Variants in IRAG1 observed in about 807,000 individuals in gnomAD.
IRAG1 encodes the protein inositol 1,4,5-triphosphate receptor associated 1, also known as IP3R-associated cGMP kinase substrate.
IRAG1 carries 62 observed loss-of-function variants against 106.2 expected under a neutral mutation model. The ratio of observed to expected loss-of-function variants is 0.58; its 90% CI spans 0.48 to 0.72. The LOEUF (loss-of-function observed/expected upper bound fraction) is 0.72. Among genes scored for constraint, IRAG1 ranks in the 30% least tolerant of loss-of-function variants. The pLI is 0.00. For synonymous variants in IRAG1, 462 were observed against 443.9 expected, an observed-to-expected ratio of 1.04 and a Z score of -0.51; for missense variants, 1,064 against 1,140.7, an observed-to-expected ratio of 0.93 and a Z score of 0.97.
intron 14 of IRAG1, among the ~76,000 whole-genome samples, chr11:10,601,452 C>T (rs887486612): frequency 6.6e-6 from 1 of 152,170 alleles, no homozygotes; most frequent in African/African-American, 2.4e-5. Context: ...GGCAGGGAAG[C>T]ACAGGGCTTA....
At chr11:10,630,605 A>G (rs1389034297) in intron 4 of IRAG1, among the ~76,000 whole-genome samples, 1 of 152,176 alleles carries the variant, frequency 6.6e-6, no homozygotes, top group Non-Finnish European at 1.5e-5. Context: ...AGTGGCTATC[A>G]GAGCCACATC....
chr11:10,588,702 A>G (rs1156582589), intron 18 of IRAG1, among the ~76,000 whole-genome samples: 1 of 151,736 alleles, frequency 6.6e-6, no homozygotes, highest in East Asian at 1.9e-4. Context: ...AGTTCCCCCA[A>G]CCTTACACCA....
In IRAG1 at chr11:10,627,959, G is replaced by A; in HGVS notation, c.705+14C>T. 6.2e-7 allele frequency: 1 copy of A among 1,600,308 alleles called. No individual in the cohort carries two copies. Among genetic ancestry groups the A allele is most frequent in the Non-Finnish European group, 8.5e-7 (1 of 1,171,402 alleles). ...TGGCATAGAAACAGCACAGCAGGTGGGGGGTCCTGTCACCTGTGGTGGTGC... is the reference window on the plus strand; with the variant it reads ...TGGCATAGAAACAGCACAGCAGGTGAGGGGTCCTGTCACCTGTGGTGGTGC... On this transcript the variant is annotated intron_variant, in intron 7 of 20. Coordinates refer to ENST00000423302, the MANE Select transcript of IRAG1 (RefSeq NM_130385.4).
chr11:10,600,725 G>A (rs1853902896), intron 15 of IRAG1, among the ~76,000 whole-genome samples, 193 bp downstream of exon 15: 1 of 152,230 alleles, frequency 6.6e-6, no homozygotes, highest in Non-Finnish European at 1.5e-5. Flanking sequence ...AAAGGCTCAT[G>A]TTTCCTGGTT....
At chr11:10,654,809 C>G (rs1047022635) in intron 1 of IRAG1, among the ~76,000 whole-genome samples, 4 of 152,176 alleles carry the variant, frequency 2.6e-5, no homozygotes, top group Non-Finnish European at 4.4e-5. Flanking sequence ...AACAGATTAG[C>G]TGGGTGTCTA....
intron 7 of IRAG1, 65 bp from the exon 8 acceptor site, chr11:10,627,825 T>A (rs770000904): frequency 1.2e-6 from 2 of 1,608,462 alleles, no homozygotes; most frequent in South Asian, 1.1e-5. Flanking sequence ...TCTTGAAATA[T>A]CCCCAAGGAG....
At chr11:10,689,441 G>A (rs545739230) in intron 1 of IRAG1, among the ~76,000 whole-genome samples, 1 of 152,344 alleles carries the variant, frequency 6.6e-6, no homozygotes, top group East Asian at 1.9e-4. Context: ...GTGATGTTGT[G>A]TGTTTAAGGC....
intron 1 of IRAG1, among the ~76,000 whole-genome samples, chr11:10,658,966 G>A (rs1859178629): frequency 6.6e-6 from 1 of 150,540 alleles, no homozygotes; most frequent in South Asian, 2.1e-4. Context: ...GGCTGCCCAA[G>A]GTCTGTGCTG....
chr11:10,686,915 T>C (rs1219348594), intron 1 of IRAG1, among the ~76,000 whole-genome samples: 2 of 152,226 alleles, frequency 1.3e-5, no homozygotes, highest in Admixed American at 1.3e-4. Flanking sequence ...CTGTAAGAAG[T>C]AACCCAGAAG....
rs557635010 is a variant in IRAG1, at chr11:10,626,053, G to T, written c.1281C>A (p.Gly427=). ...GACCAGGGGCCTTGGCCAGCTTGCC[G>T]CCGGCCTTGCCTGCAAAACGCTTTT... The part of the protein sequence containing the change: ...EEEKRFAGKA[G]GKLAKAPGLK... The change falls in exon 9 of 21, where the codon GGC becomes GGA. Residue 427 remains glycine (G), a synonymous_variant. Coordinates refer to ENST00000423302, the MANE Select transcript of IRAG1 (RefSeq NM_130385.4). The T allele has an allele frequency of 6.6e-7, 1 of 1,519,482 alleles. No homozygotes were observed. Among genetic ancestry groups the T allele is most frequent in the Admixed American group, 2.2e-5 (1 of 44,842 alleles). 94.1% of individuals were successfully genotyped at this position (1,519,482 alleles called of 1,614,324 possible).
chr11:10,589,987 G>C (rs1010115764), intron 18 of IRAG1, among the ~76,000 whole-genome samples: 8 of 152,196 alleles, frequency 5.3e-5, no homozygotes, highest in African/African-American at 1.9e-4. Context: ...TTAAGAGTCT[G>C]TTGAAGAGAT....
chr11:10,684,849 C>A (rs1323315513), intron 1 of IRAG1, among the ~76,000 whole-genome samples: 1 of 152,134 alleles, frequency 6.6e-6, no homozygotes, highest in Non-Finnish European at 1.5e-5. Context: ...TAGGTGGGAT[C>A]TGCAATTTCT....
At position 10,693,747 on chromosome 11, in the gene IRAG1, G is replaced by C; in HGVS notation, c.-145C>G. The stretch of plus-strand genomic sequence containing the variant: ...AGCCCCACTCCGGCCTGGCTCGGGG[G>C]ATAATGGCAGGGAAAGCCGACCAGC... On this transcript the variant is annotated 5_prime_UTR_variant, in exon 1 of 21. In the 5' UTR this introduces an upstream ATG that the reference lacks. Transcript: ENST00000423302. The C allele has an allele frequency of 1.0e-6, 1 of 960,366 alleles. No homozygotes were observed. Among genetic ancestry groups the C allele is most frequent in the South Asian group, 1.6e-5 (1 of 61,136 alleles). The allele number at this position is 960,366 out of a possible 1,614,324, so 59.5% of individuals were successfully genotyped here. A position where few individuals can be genotyped will look rare whatever the true frequency, so the allele number is the denominator to read the frequency against.
At chr11:10,593,254 G>T in intron 17 of IRAG1, 2 of 336,780 alleles carry the variant, frequency 5.9e-6, no homozygotes, top group Non-Finnish European at 5.5e-6. Context: ...GTTATCATTT[G>T]CAAAGAACGC....
intron 15 of IRAG1, among the ~76,000 whole-genome samples, chr11:10,595,149 T>C (rs1275525173): frequency 6.8e-6 from 1 of 146,610 alleles, no homozygotes; most frequent in African/African-American, 2.4e-5. Flanking sequence ...GGTCTCCAAC[T>C]CCTGAGCTTA....
chr11:10,615,729 C>A (rs1262162180), intron 10 of IRAG1, among the ~76,000 whole-genome samples: 3 of 151,652 alleles, frequency 2.0e-5, no homozygotes, highest in Non-Finnish European at 4.4e-5. Flanking sequence ...GGGAATTGAA[C>A]AATGAGAACA....
chr11:10,598,263 C>T (rs1853555687), intron 15 of IRAG1, among the ~76,000 whole-genome samples: 1 of 152,192 alleles, frequency 6.6e-6, no homozygotes, highest in Non-Finnish European at 1.5e-5. Flanking sequence ...AGCTTGGTTT[C>T]AGTTCTCTTT....
chr11:10,680,943 C>T (rs1225058314), intron 1 of IRAG1, among the ~76,000 whole-genome samples: 1 of 152,106 alleles, frequency 6.6e-6, no homozygotes, highest in African/African-American at 2.4e-5. Flanking sequence ...AAAGATTACA[C>T]AGATAGCATG....
Position 10,630,005 on chromosome 11 carries a change from C to T in IRAG1, c.401-294G>A, listed in dbSNP as rs1189270099. ...AAGGGAAGGCCACCCAGGAGCCTTACCTCCGGCACCATCTGCGCCCCCAGT... is the reference window on the plus strand; with the variant it reads ...AAGGGAAGGCCACCCAGGAGCCTTATCTCCGGCACCATCTGCGCCCCCAGT... On this transcript the variant is annotated intron_variant, in intron 4 of 20. Transcript: ENST00000423302. The T allele has an allele frequency of 1.1e-5, 4 of 352,664 alleles. No homozygotes were observed. The East Asian group carries it at 1.6e-4, about 14-fold the overall frequency. 21.8% of individuals were successfully genotyped at this position (352,664 alleles called of 1,614,324 possible). A position where few individuals can be genotyped will look rare whatever the true frequency, so the allele number is the denominator to read the frequency against.
Sources: gnomAD v4.1 joint callset for allele counts (sites outside exome capture counted in the v4.1 genomes callset) on GRCh38, gnomAD v4.1.1 for gene constraint, MANE v1.5 for transcripts, NCBI Gene and HGNC (gene_info 2026-07-23, HGNC 2026-07-21) for gene names.